DYNC2I1: variants seen among roughly 807,000 people sequenced by gnomAD.
DYNC2I1 encodes the protein dynein 2 intermediate chain 1.
DYNC2I1 carries 89 observed loss-of-function variants against 133.4 expected under a neutral mutation model. That is an observed-to-expected ratio of 0.67 (90% CI 0.56 to 0.80). The LOEUF is 0.80. DYNC2I1 is among the 30% of genes least tolerant of loss of function. The probability of loss-of-function intolerance (pLI) is 0.00; values close to 1 mark genes in which losing one functional copy is unlikely to be tolerated. For synonymous variants in DYNC2I1, 504 were observed against 484.3 expected (o/e 1.04, Z -0.54); for missense variants, 1,291 against 1,314.5 (o/e 0.98, Z 0.28).
At chr7:158,872,916 G>T (rs973402598) in intron 3 of DYNC2I1, among the ~76,000 whole-genome samples, 1 of 151,560 alleles carries the variant, frequency 6.6e-6, no homozygotes, top group Non-Finnish European at 1.5e-5. Flanking sequence ...ACTTGAACCC[G>T]GGAGGAGGAG....
At chr7:158,879,396 G>A (rs1334830970) in intron 4 of DYNC2I1, among the ~76,000 whole-genome samples, 1 of 152,030 alleles carries the variant, frequency 6.6e-6, no homozygotes, top group African/African-American at 2.4e-5. Context: ...CATATAAAAT[G>A]GTGTAGTGTC....
At chr7:158,939,726 A>G (rs1379051682) in intron 23 of DYNC2I1, among the ~76,000 whole-genome samples, 1 of 152,154 alleles carries the variant, frequency 6.6e-6, no homozygotes, top group Non-Finnish European at 1.5e-5. Context: ...CTCTCAAGAA[A>G]TTCACTTCAC....
Position 158,861,515 on chromosome 7 carries a change from C to A in DYNC2I1, c.15+4765C>A, listed in dbSNP as rs550117724. Among the ~76,000 whole-genome samples, 5 of 152,330 alleles carry A rather than the reference C, an allele frequency of 3.3e-5. No individual in the cohort carries two copies. In the East Asian group the frequency reaches 9.6e-4, roughly 29 times the overall value. On this transcript the variant is annotated intron_variant, in intron 1 of 24. Transcript: ENST00000407559. ...CTCGAAAGTCTGGCATCCCCCTCCC[C>A]ACACTTCTCATCTGTCAGCCAAGTC...
intron 11 of DYNC2I1, among the ~76,000 whole-genome samples, chr7:158,907,370 C>T (rs1003356475): frequency 6.9e-6 from 1 of 145,060 alleles, no homozygotes; most frequent in African/African-American, 2.6e-5. Flanking sequence ...AATAAAGCTA[C>T]ACAGTATGTT....
chr7:158,882,030 T>G (rs1018045796), intron 5 of DYNC2I1, among the ~76,000 whole-genome samples: 2 of 152,180 alleles, frequency 1.3e-5, no homozygotes, highest in Non-Finnish European at 1.5e-5. Flanking sequence ...TTATTAAAGG[T>G]GAATGTGAAA....
chr7:158,883,124 C>T (rs574410752), intron 5 of DYNC2I1, among the ~76,000 whole-genome samples: 8 of 151,956 alleles, frequency 5.3e-5, no homozygotes, highest in South Asian at 2.1e-4. Context: ...CTAATAATTA[C>T]GCCAGGACAA....
chr7:158,900,266 C>G (rs1426958684), intron 8 of DYNC2I1, among the ~76,000 whole-genome samples: 1 of 151,992 alleles, frequency 6.6e-6, no homozygotes, highest in East Asian at 1.9e-4. Context: ...GGGTTACAGG[C>G]AAGTGCCACC....
chr7:158,863,986 C>G (rs1426011517), intron 1 of DYNC2I1, among the ~76,000 whole-genome samples: 10 of 118,768 alleles, frequency 8.4e-5, no homozygotes, highest in African/African-American at 3.3e-4. Context: ...GGGAGCAGGA[C>G]GTCCTTAGCT....
chr7:158,886,619 T>A (rs1844631467), intron 6 of DYNC2I1, among the ~76,000 whole-genome samples: 1 of 152,244 alleles, frequency 6.6e-6, no homozygotes, highest in African/African-American at 2.4e-5. Context: ...AAAATTATTT[T>A]TTGAGAAAGG....
At chr7:158,848,792 CA>C in the DYNC2I1 span, among the ~76,000 whole-genome samples, 3 of 152,088 alleles carry the variant, frequency 2.0e-5, no homozygotes, top group African/African-American at 7.2e-5. Flanking sequence ...GGCATGGTGG[CA>C]GGCGCCTGTA....
rs754792987 is a variant in DYNC2I1 at position 158,934,395 on chromosome 7, A to G, written c.2647-23A>G. 3.8e-6 allele frequency: 6 copies of G among 1,599,536 alleles called. No homozygotes were observed. The East Asian group carries it at 1.3e-4, about 36-fold the overall frequency. ...TCGTGTGTAATGCACTCGTTCAGTC[A>G]CTCTTGGGCTTCTTCTTCACAGGGT... On this transcript the variant is annotated intron_variant, in intron 22 of 24. Transcript: ENST00000407559.
intron 8 of DYNC2I1, among the ~76,000 whole-genome samples, chr7:158,899,628 T>C (rs1313013492): frequency 2.0e-5 from 3 of 152,220 alleles, no homozygotes; most frequent in African/African-American, 7.2e-5. Context: ...GGGGAGGTAA[T>C]TGAATCATGG....
chr7:158,868,822 C>G (rs1475197224), intron 1 of DYNC2I1, among the ~76,000 whole-genome samples: 1 of 152,248 alleles, frequency 6.6e-6, no homozygotes, highest in Non-Finnish European at 1.5e-5. Context: ...TGTGATGCCT[C>G]ACTGTCCTCA....
rs201518997 is a variant in DYNC2I1, at chr7:158,859,512, A to AT, written c.15+2770dup. 3.2e-3 allele frequency among the ~76,000 whole-genome samples: 480 copies of AT among 151,756 alleles called. 2 individuals are homozygous for AT. The highest frequency in any genetic ancestry group is 0.027 in the Middle Eastern group (8 of 294). On this transcript the variant is annotated intron_variant, in intron 1 of 24. Transcript: ENST00000407559. ...GATACATATTTAATACATAAAATTC[A>AT]TTTTTTTTGAGACAGAGTCTCGCTC...
At chr7:158,849,734 C>G in the DYNC2I1 span, among the ~76,000 whole-genome samples, 1 of 152,202 alleles carries the variant, frequency 6.6e-6, no homozygotes, top group African/African-American at 2.4e-5. Flanking sequence ...GTCAGGTTGT[C>G]TCTCTGCAGC....
chr7:158,908,993 T>C (rs1563148502), intron 11 of DYNC2I1, among the ~76,000 whole-genome samples: 1 of 152,070 alleles, frequency 6.6e-6, no homozygotes, highest in Non-Finnish European at 1.5e-5. Context: ...ATTGAAACAA[T>C]GGGATGAATT....
At chr7:158,930,848 A>T (rs1850153042) in intron 21 of DYNC2I1, among the ~76,000 whole-genome samples, 1 of 151,948 alleles carries the variant, frequency 6.6e-6, no homozygotes, top group Non-Finnish European at 1.5e-5. Context: ...TTGTATTTTT[A>T]GTAGAGATGG....
At chr7:158,850,987 C>G in the DYNC2I1 span, among the ~76,000 whole-genome samples, 4 of 151,224 alleles carry the variant, frequency 2.6e-5, no homozygotes, top group African/African-American at 9.7e-5. Context: ...TCAAGAGGAA[C>G]AAATGACATC....
chr7:158,903,007 C>T (rs1170242444), intron 10 of DYNC2I1: 2 of 169,154 alleles, frequency 1.2e-5, no homozygotes, highest in Admixed American at 6.0e-5. Flanking sequence ...GCGTTTTATC[C>T]GTCTGTGAGC....
Sources: gnomAD v4.1 joint callset for allele counts (sites outside exome capture counted in the v4.1 genomes callset) on GRCh38, gnomAD v4.1.1 for gene constraint, MANE v1.5 for transcripts, NCBI Gene and HGNC (gene_info 2026-07-23, HGNC 2026-07-21) for gene names.